The following RBFOX1 variants were observed in gnomAD, a reference collection of about 807,000 sequenced individuals.
RBFOX1 encodes the protein RNA binding fox-1 homolog 1, also known as RNA binding protein fox-1 homolog 1.
Under a neutral mutation model 57.7 loss-of-function variants are expected in RBFOX1, and 8 were observed. That is an observed-to-expected ratio of 0.14 (90% confidence interval 0.08 to 0.25). The LOEUF (loss-of-function observed/expected upper bound fraction) is 0.25, where lower values mean the gene tolerates loss of function less well. Among genes scored for constraint, RBFOX1 ranks in the 10% least tolerant of loss-of-function variants. RBFOX1 has a pLI of 1.00. For synonymous variants in RBFOX1, 326 were observed against 222.4 expected (o/e 1.47, Z -4.15); for missense variants, 611 against 548.5 (o/e 1.11, Z -1.14).
intron 15 of RBFOX1, chr16:7,709,752 GGGGTGGGGGGA>G: frequency 5.2e-6 from 1 of 193,504 alleles, no homozygotes; most frequent in Non-Finnish European, 8.2e-6. Flanking sequence ...GTTTTGGGAG[GGGGTGGGGGGA>G]GGGTAAAAAA....
chr16:5,483,906 C>T (rs1004937181), intron 2 of RBFOX1, among the ~76,000 whole-genome samples: 2 of 152,090 alleles, frequency 1.3e-5, no homozygotes, highest in African/African-American at 4.8e-5. Flanking sequence ...CATGGTGGCT[C>T]ATGCTTGTGA....
chr16:5,358,842 A>C (rs765890917), intron 1 of RBFOX1, among the ~76,000 whole-genome samples: 4 of 152,178 alleles, frequency 2.6e-5, no homozygotes, highest in Admixed American at 6.5e-5. Context: ...AAAAGAAAAA[A>C]AGTGCAATTC....
chr16:5,302,792 G>A (rs767432992), intron 1 of RBFOX1, among the ~76,000 whole-genome samples: 22 of 152,028 alleles, frequency 1.4e-4, no homozygotes, highest in South Asian at 2.1e-4. Context: ...AGTGTTTCCC[G>A]CCTTTTTTAG....
At chr16:5,694,045 T>G (rs1033571246) in intron 3 of RBFOX1, among the ~76,000 whole-genome samples, 11 of 152,214 alleles carry the variant, frequency 7.2e-5, no homozygotes, top group African/African-American at 2.7e-4. Flanking sequence ...GTAAGTGAGA[T>G]AAATTTGAGC....
Position 7,670,649 on chromosome 16 carries a change from G to A in RBFOX1, c.930+5681G>A, listed in dbSNP as rs72776874. 7.5e-3 allele frequency among the ~76,000 whole-genome samples: 1,145 copies of A among 152,234 alleles called. 8 individuals are homozygous for A. Among genetic ancestry groups the A allele is most frequent in the Middle Eastern group, 0.02 (6 of 294 alleles). On this transcript the variant is annotated intron_variant, in intron 13 of 15. Coordinates refer to ENST00000550418, the MANE Select transcript of RBFOX1 (RefSeq NM_018723.4). The stretch of plus-strand genomic sequence containing the variant: ...CAAGAATGTTATCAGGCATCGCTCC[G>A]TAAGCTTAGACTTTTAACATAAGGA...
intron 1 of RBFOX1, among the ~76,000 whole-genome samples, chr16:6,259,801 T>C (rs1383859730): frequency 2.0e-5 from 3 of 151,420 alleles, no homozygotes; most frequent in Non-Finnish European, 4.4e-5. Context: ...GTACTAAAAA[T>C]ACAAAAAAAA....
chr16:5,259,757 T>C (rs1157154851), intron 1 of RBFOX1, among the ~76,000 whole-genome samples: 1 of 152,218 alleles, frequency 6.6e-6, no homozygotes, highest in Non-Finnish European at 1.5e-5. Flanking sequence ...GGAGCCGGGT[T>C]ATGGATCAGC....
intron 3 of RBFOX1, among the ~76,000 whole-genome samples, chr16:6,864,162 T>G (rs1434252228): frequency 6.6e-6 from 1 of 152,124 alleles, no homozygotes; most frequent in Non-Finnish European, 1.5e-5. Context: ...TCAGGGAAAT[T>G]ATTTTAATAA....
At chr16:5,410,451 A>G (rs983658727) in intron 1 of RBFOX1, among the ~76,000 whole-genome samples, 2 of 152,224 alleles carry the variant, frequency 1.3e-5, no homozygotes, top group Admixed American at 6.5e-5. Context: ...GAAAAGTGAA[A>G]CAGAATGGTA....
At chr16:5,878,440 C>A (rs907483837) in intron 4 of RBFOX1, among the ~76,000 whole-genome samples, 2 of 152,130 alleles carry the variant, frequency 1.3e-5, no homozygotes, top group Non-Finnish European at 2.9e-5. Flanking sequence ...CCACTCAGGG[C>A]CATATGGCTA....
At chr16:6,564,953 C>G (rs1418789571) in intron 2 of RBFOX1, among the ~76,000 whole-genome samples, 3 of 151,876 alleles carry the variant, frequency 2.0e-5, no homozygotes, top group Non-Finnish European at 4.4e-5. Flanking sequence ...TCAGCTTGGC[C>G]AACATGGTGA....
intron 3 of RBFOX1, among the ~76,000 whole-genome samples, chr16:6,760,851 C>T (rs139108414): frequency 1.3e-5 from 2 of 152,138 alleles, no homozygotes; most frequent in Non-Finnish European, 2.9e-5. Flanking sequence ...CAGGGAGTGG[C>T]GCTGCCTCTG....
intron 4 of RBFOX1, among the ~76,000 whole-genome samples, chr16:7,125,485 G>A (rs772329363): frequency 6.6e-6 from 1 of 152,158 alleles, no homozygotes; most frequent in Non-Finnish European, 1.5e-5. Context: ...ATGCTAAGCA[G>A]TTTTCTAGTT....
chr16:7,486,193 G>A (rs1185246374), intron 4 of RBFOX1, among the ~76,000 whole-genome samples: 1 of 135,398 alleles, frequency 7.4e-6, no homozygotes, highest in African/African-American at 2.7e-5. Context: ...CGTGATCTCA[G>A]CTCGCTGCAA....
At chr16:7,513,275 A>C (rs2075607035) in intron 4 of RBFOX1, among the ~76,000 whole-genome samples, 1 of 17,692 alleles carries the variant, frequency 5.7e-5, no homozygotes, top group Non-Finnish European at 5.2e-4. Flanking sequence ...AAAAAATAAA[A>C]ATAAAAATAA....
chr16:6,241,454 A>T (rs1399095808), intron 1 of RBFOX1, among the ~76,000 whole-genome samples: 2 of 150,562 alleles, frequency 1.3e-5, no homozygotes, highest in African/African-American at 5.0e-5. Context: ...TGAAAGCTAT[A>T]AATAGCTAAA....
intron 4 of RBFOX1, among the ~76,000 whole-genome samples, chr16:7,249,653 T>C (rs986394425): frequency 2.0e-5 from 3 of 151,952 alleles, no homozygotes; most frequent in Admixed American, 2.0e-4. Flanking sequence ...AATAAAATCA[T>C]TGAATGGGTA....
intron 2 of RBFOX1, among the ~76,000 whole-genome samples, chr16:6,627,646 A>T (rs187052820): frequency 4.2e-4 from 64 of 152,284 alleles, no homozygotes; most frequent in African/African-American, 1.4e-3. Context: ...TGTTCTTGAG[A>T]CATGTGATAA....
chr16:6,013,569 C>G (rs764372414), intron 4 of RBFOX1, among the ~76,000 whole-genome samples: 17 of 152,106 alleles, frequency 1.1e-4, no homozygotes, highest in Non-Finnish European at 2.5e-4. Flanking sequence ...GTCTCATGAA[C>G]CTGGCTCTGA....
Sources: allele counts gnomAD v4.1 joint callset (sites outside exome capture counted in the v4.1 genomes callset), GRCh38; gene constraint gnomAD v4.1.1; transcripts MANE v1.5; gene names NCBI Gene and HGNC (gene_info 2026-07-23, HGNC 2026-07-21).